The following PLAU variants were observed in gnomAD, a reference collection of about 807,000 sequenced individuals.
PLAU encodes urokinase-type plasminogen activator.
In PLAU, 32 loss-of-function variants were observed where a neutral mutation model predicts 48.9. The ratio of observed to expected loss-of-function variants is 0.65; its 90% CI spans 0.49 to 0.88. PLAU has a LOEUF of 0.88. PLAU is among the 40% of genes least tolerant of loss of function. The pLI is 0.00. For missense variants in PLAU, 455 were observed against 545.2 expected (o/e 0.83, Z 1.65); for synonymous variants, 199 against 205.7 (o/e 0.97, Z 0.28).
chr10:73,915,321 G>C lies in PLAU; in HGVS notation c.1041G>C (p.Gln347His), dbSNP rs751968486. The change falls in exon 10 of 11, where the codon CAG becomes CAC. Residue 347 changes from glutamine to histidine, a missense_variant. Physicochemically the swap from Gln to His is conservative, Grantham distance 24. Coordinates refer to ENST00000372764, the MANE Select transcript of PLAU (RefSeq NM_002658.6). ...VKLISHRECQQPHYYGSEVTT... is the reference protein window; with the variant it reads ...VKLISHRECQHPHYYGSEVTT... ...TGATTTCCCACCGGGAGTGTCAGCAGCCCCACTACTACGGCTCTGAAGTCA... is the reference window on the plus strand; with the variant it reads ...TGATTTCCCACCGGGAGTGTCAGCACCCCCACTACTACGGCTCTGAAGTCA... 62 of 1,613,830 alleles carry C rather than the reference G, an allele frequency of 3.8e-5. No individual in the cohort carries two copies. Among genetic ancestry groups the C allele is most frequent in the Non-Finnish European group, 5.3e-5 (62 of 1,179,888 alleles).
At position 73,915,336 on chromosome 10, in the gene PLAU, C is replaced by T; in HGVS notation, c.1056C>T (p.Gly352=). ...HRECQQPHYY[G]SEVTTKMLCA... ...AGTGTCAGCAGCCCCACTACTACGGCTCTGAAGTCACCACCAAAATGCTGT... is the reference window on the plus strand; with the variant it reads ...AGTGTCAGCAGCCCCACTACTACGGTTCTGAAGTCACCACCAAAATGCTGT... Residue 352 remains glycine, a synonymous_variant, in exon 10 of 11, where the codon GGC becomes GGT. Coordinates refer to ENST00000372764, the MANE Select transcript of PLAU (RefSeq NM_002658.6). 6.2e-7 allele frequency: 1 copy of T among 1,613,970 alleles called. No individual in the cohort carries two copies. The highest frequency in any genetic ancestry group is 8.5e-7 in the Non-Finnish European group (1 of 1,179,914).
chr10:73,908,888 G>T (rs1451114423), upstream of PLAU, among the ~76,000 whole-genome samples: 1 of 148,796 alleles, frequency 6.7e-6, no homozygotes, highest in Non-Finnish European at 1.5e-5. Context: ...ATGGCTGGGC[G>T]TGGTGGCTCA....
In PLAU at chr10:73,913,650, C is replaced by T; in HGVS notation, c.572C>T (p.Pro191Leu). 2 of 1,614,008 alleles carry T rather than the reference C, an allele frequency of 1.2e-6. No homozygotes were observed. Among genetic ancestry groups the T allele is most frequent in the Non-Finnish European group, 1.7e-6 (2 of 1,179,916 alleles). ...GAATTCACCACCATCGAGAACCAGC[C>T]CTGGTTTGCGGCCATCTACAGGAGG... ...GGEFTTIENQPWFAAIYRRHR... is the reference protein window; with the variant it reads ...GGEFTTIENQLWFAAIYRRHR... Residue 191 changes from proline (P) to leucine (L), a missense_variant, in exon 7 of 11, where the codon CCC (proline) becomes CTC (leucine). Transcript: ENST00000372764.
intron 9 of PLAU, 21 bp from the exon 10 acceptor site, chr10:73,915,230 C>T (rs1429318494): frequency 6.2e-7 from 1 of 1,602,874 alleles, no homozygotes; most frequent in African/African-American, 1.3e-5. Context: ...ATGCAAACGC[C>T]TCCCTGTTTT....
Position 73,911,366 on chromosome 10 carries a change from G to T in PLAU, c.-32+148G>T. ...AGGCGCCCCGTCCCGGGCGTCCCCC[G>T]CGGGTGCCGATCCAGGCTGCCCGGA... On this transcript the variant is annotated intron_variant, in intron 1 of 10. Transcript: ENST00000372764. 4 of 774,272 alleles carry T rather than the reference G, an allele frequency of 5.2e-6. No individual in the cohort carries two copies. The South Asian group carries it at 6.5e-5, about 13-fold the overall frequency. 48.0% of individuals were successfully genotyped at this position (774,272 alleles called of 1,614,324 possible).
At chr10:73,911,727 A>G (rs1166528391) in intron 2 of PLAU, 115 bp downstream of exon 2, 4 of 1,557,966 alleles carry the variant, frequency 2.6e-6, no homozygotes, top group Admixed American at 3.9e-5. Flanking sequence ...CAGCAGGGCC[A>G]GACTCTCCCC....
intron 8 of PLAU, among the ~76,000 whole-genome samples, chr10:73,914,384 T>C (rs1038986253): frequency 1.3e-5 from 2 of 152,216 alleles, no homozygotes; most frequent in African/African-American, 4.8e-5. Flanking sequence ...TGTGGGTATA[T>C]GGCTTGGGCT....
intron 5 of PLAU, 74 bp from the exon 6 acceptor site, chr10:73,913,216 G>T (rs2096128525): frequency 6.3e-7 from 1 of 1,577,078 alleles, no homozygotes; most frequent in Non-Finnish European, 8.7e-7. Flanking sequence ...CTCTGGTTGA[G>T]TCTTCCCTGA....
chr10:73,912,013 A>G (rs1349669895), intron 2 of PLAU, 28 bp from the exon 3 acceptor site: 3 of 1,613,866 alleles, frequency 1.9e-6, no homozygotes, highest in African/African-American at 1.3e-5. Flanking sequence ...GGGACCTTTG[A>G]TGAAGCCTCC....
chr10:73,913,739 A>T lies in PLAU; in HGVS notation c.661A>T (p.Ser221Cys), dbSNP rs148318390. The change falls in exon 7 of 11, where the codon AGC becomes TGC. Residue 221 changes from serine to cysteine, a missense_variant. By Grantham distance (112) the Ser-to-Cys change is moderately radical (BLOSUM62 -1). Transcript: ENST00000372764. ...GSLISPCWVI[S>C]ATHCFIDYPK... ...CCTCATCAGCCCTTGCTGGGTGATC[A>T]GCGCCACACACTGCTTCATGTACGG... 6.3e-7 allele frequency: 1 copy of T among 1,599,782 alleles called. No homozygotes were observed. Among genetic ancestry groups the T allele is most frequent in the Non-Finnish European group, 8.5e-7 (1 of 1,171,838 alleles).
At position 73,912,023 on chromosome 10, in the gene PLAU, C is replaced by G; in HGVS notation, c.58-18C>G. On this transcript the variant is annotated intron_variant, in intron 2 of 10. Coordinates refer to ENST00000372764, the MANE Select transcript of PLAU (RefSeq NM_002658.6). ...AGCATGGGACCTTTGATGAAGCCTC[C>G]TCCCGAATCTCTTCCAGGGCAGCAA... The G allele has an allele frequency of 1.9e-6, 3 of 1,613,696 alleles. No homozygotes were observed. Among genetic ancestry groups the G allele is most frequent in the Non-Finnish European group, 2.5e-6 (3 of 1,179,726 alleles).
chr10:73,914,829 A>G lies in PLAU; in HGVS notation c.883A>G (p.Ile295Val). The change falls in exon 9 of 11, where the codon ATA becomes GTA. Residue 295 changes from isoleucine to valine, a missense_variant. Ile to Val is a conservative substitution (Grantham distance 29). Transcript: ENST00000372764. ...CAGGTGTGCGCAGCCATCCCGGACT[A>G]TACAGACCATCTGCCTGCCCTCGAT... is the stretch of plus-strand genomic sequence containing the variant. ...EGRCAQPSRT[I>V]QTICLPSMYN... is the part of the protein sequence containing the mutation. 6.2e-7 allele frequency: 1 copy of G among 1,614,116 alleles called. No individual in the cohort carries two copies. The highest frequency in any genetic ancestry group is 8.5e-7 in the Non-Finnish European group (1 of 1,179,940).
chr10:73,913,908 C>T, intron 7 of PLAU, 72 bp from the exon 8 acceptor site: 2 of 1,498,050 alleles, frequency 1.3e-6, no homozygotes, highest in Non-Finnish European at 1.9e-6. Context: ...TGCTTTGAGG[C>T]CTCTAGGGAG....
At chr10:73,914,153 G>A in intron 8 of PLAU, 25 bp downstream of exon 8, 1 of 1,612,728 alleles carries the variant, frequency 6.2e-7, no homozygotes. Flanking sequence ...CGCGACTACT[G>A]TGGCCATAAT....
In PLAU at chr10:73,913,990, A is replaced by C. The variant is rs2227567; in HGVS notation, c.691A>C (p.Lys231Gln). Residue 231 changes from lysine to glutamine, a missense_variant, in exon 8 of 11, where the codon AAG (lysine) becomes CAG (glutamine). Transcript: ENST00000372764. ...SATHCFIDYP[K>Q]KEDYIVYLGR... Reference sequence around the variant, plus strand: ...TATCTTCTCCCACAGTGATTACCCAAAGAAGGAGGACTACATCGTCTACCT... The same window carrying C: ...TATCTTCTCCCACAGTGATTACCCACAGAAGGAGGACTACATCGTCTACCT... 15,783 of 1,613,688 alleles carry C rather than the reference A, an allele frequency of 9.8e-3. 1,010 individuals carry two copies. The African/African-American group carries it at 0.15, about 16-fold the overall frequency.
At chr10:73,915,198 C>T in intron 9 of PLAU, 53 bp from the exon 10 acceptor site, 2 of 1,563,112 alleles carry the variant, frequency 1.3e-6, no homozygotes, top group Admixed American at 1.8e-5. Context: ...CTGGCAGACT[C>T]CCAGTGGACA....
At chr10:73,915,488 T>C in intron 10 of PLAU, 89 bp downstream of exon 10, 2 of 1,283,586 alleles carry the variant, frequency 1.6e-6, no homozygotes, top group Non-Finnish European at 2.1e-6. Flanking sequence ...TGTCTCTCTC[T>C]AGCCAAAGCC....
In PLAU at chr10:73,916,427, C is replaced by T. The variant is rs558668565; in HGVS notation, c.1158C>T (p.Gly386=). The change falls in exon 11 of 11, where the codon GGC becomes GGT. Residue 386 remains glycine, a synonymous_variant. Transcript: ENST00000372764. ...SGGPLVCSLQ[G]RMTLTGIVSW... ...GACCCCTCGTCTGTTCCCTCCAAGG[C>T]CGCATGACTTTGACTGGAATTGTGA... The T allele has an allele frequency of 5.6e-6, 9 of 1,613,706 alleles. No homozygotes were observed. The Admixed American group carries it at 6.7e-5, about 12-fold the overall frequency.
chr10:73,914,435 TC>T (rs2136189909), intron 8 of PLAU, among the ~76,000 whole-genome samples: 1 of 152,320 alleles, frequency 6.6e-6, no homozygotes, highest in South Asian at 2.1e-4. Context: ...AGACACACCT[TC>T]CTTTGTGGGA....
Sources: allele counts gnomAD v4.1 joint callset (sites outside exome capture counted in the v4.1 genomes callset), GRCh38; gene constraint gnomAD v4.1.1; transcripts MANE v1.5; gene names NCBI Gene and HGNC (gene_info 2026-07-23, HGNC 2026-07-21).